The following MYBBP1A variants were observed in gnomAD, a reference collection of about 807,000 sequenced individuals.
MYBBP1A encodes myb-binding protein 1A.
In MYBBP1A, 147 loss-of-function variants were observed where a neutral mutation model predicts 136.3. The ratio of observed to expected loss-of-function variants is 1.08; its 90% CI spans 0.94 to 1.24. The LOEUF is 1.24. Ranked by LOEUF, MYBBP1A falls within the 50% of genes most tolerant of loss-of-function variation. MYBBP1A has a pLI of 0.00. For missense variants in MYBBP1A, 2,060 were observed against 1,727.4 expected (o/e 1.19, Z -3.41); for synonymous variants, 947 against 735.8 (o/e 1.29, Z -4.65).
At position 4,540,412 on chromosome 17, in the gene MYBBP1A, G is replaced by A; in HGVS notation, c.3370C>T (p.His1124Tyr). 6.2e-7 allele frequency: 1 copy of A among 1,610,832 alleles called. No homozygotes were observed. Among genetic ancestry groups the A allele is most frequent in the Non-Finnish European group, 8.5e-7 (1 of 1,179,810 alleles). The change falls in exon 25 of 26, where the codon CAC (histidine) becomes TAC (tyrosine). Residue 1124 changes from histidine (H) to tyrosine (Y), a missense_variant. By Grantham distance (83) the His-to-Tyr change is moderately conservative. Transcript: ENST00000254718. The stretch of plus-strand genomic sequence containing the variant: ...TGCAGGCGGCTGGAGCCGGTGGAGT[G>A]TGCCCCCTGCTGTAGGCTCTGCTGT... Reference protein sequence around the residue: ...GQQQSLQQGAHSTGSSRLHDL... With the variant: ...GQQQSLQQGAYSTGSSRLHDL...
intron 5 of MYBBP1A, among the ~76,000 whole-genome samples, chr17:4,553,588 AC>A (rs1907731455): frequency 6.6e-6 from 1 of 152,260 alleles, no homozygotes; most frequent in Non-Finnish European, 1.5e-5. Context: ...ACCAATGCAC[AC>A]TGAAATAATA....
At position 4,541,557 on chromosome 17, in the gene MYBBP1A, C is replaced by T. The variant is rs199584868; in HGVS notation, c.3203G>A (p.Arg1068His). 371 of 1,612,274 alleles carry T rather than the reference C, an allele frequency of 2.3e-4. No homozygotes were observed. The highest frequency in any genetic ancestry group is 8.2e-4 in the Middle Eastern group (5 of 6,062). Residue 1068 changes from arginine (R) to histidine (H), a missense_variant, in exon 24 of 26, where the codon CGC becomes CAC. Coordinates refer to ENST00000254718, the MANE Select transcript of MYBBP1A (RefSeq NM_014520.4). ...CTTGGTCTGCGCCTCCCCCAGCACG[C>T]GCAAGTTCTAGGGAAGGGTGGCCAG... ...QVLAKVTENLRVLGEAQTKAQ... is the reference protein window; with the variant it reads ...QVLAKVTENLHVLGEAQTKAQ...
At chr17:4,542,088 G>A in intron 22 of MYBBP1A, 197 bp from the exon 23 acceptor site, 1 of 597,908 alleles carries the variant, frequency 1.7e-6, no homozygotes, top group Non-Finnish European at 3.0e-6. Context: ...CAGCTGGATA[G>A]AGGTGGGACC....
chr17:4,552,615 G>A lies in MYBBP1A; in HGVS notation c.573C>T (p.Ala191=), dbSNP rs1399332493. The A allele has an allele frequency of 1.9e-6, 3 of 1,613,332 alleles. No individual in the cohort carries two copies. Among genetic ancestry groups the A allele is most frequent in the East Asian group, 2.2e-5 (1 of 44,866 alleles). The change falls in exon 6 of 26, where the codon GCC becomes GCT. Residue 191 remains alanine, a synonymous_variant. Transcript: ENST00000254718. This position sits in a 1 kb window ranked among gnomAD's most constrained non-coding sequence, Gnocchi z 4.7. ...CCTCCGGCAGGATCTCCTGCAATGTGGCCTTCGAGACCTAAGGATGGAGGG... is the reference window on the plus strand; with the variant it reads ...CCTCCGGCAGGATCTCCTGCAATGTAGCCTTCGAGACCTAAGGATGGAGGG... ...LVDILSEVSK[A]TLQEILPEVL...
In MYBBP1A at chr17:4,552,848, T is replaced by C. The variant is rs1907655922; in HGVS notation, c.562-222A>G. On this transcript the variant is annotated intron_variant, in intron 5 of 25. Coordinates refer to ENST00000254718, the MANE Select transcript of MYBBP1A (RefSeq NM_014520.4). This position sits in a 1 kb window ranked among gnomAD's most constrained non-coding sequence, Gnocchi z 4.7. ...CCTGCCCCCCACCCCTTATTTTTTT[T>C]TTTTAAGACAGAGTCTCACTTTGCC... Among the ~76,000 whole-genome samples, 1 of 151,992 alleles carries C rather than the reference T, an allele frequency of 6.6e-6. No homozygotes were observed. Among genetic ancestry groups the C allele is most frequent in the Non-Finnish European group, 1.5e-5 (1 of 67,978 alleles).
rs1352906736 is a variant in MYBBP1A at position 4,551,934 on chromosome 17, C to G, written c.969G>C (p.Leu323=). ...LPLLTKEQLH[L]VMQGDVIRHY... ...GGCGGATCACGTCTCCCTGCATCAC[C>G]AGGTGCAGCTGCTCCTTGGTCAGCA... Residue 323 remains leucine, a synonymous_variant, in exon 8 of 26, where the codon CTG becomes CTC. Coordinates refer to ENST00000254718, the MANE Select transcript of MYBBP1A (RefSeq NM_014520.4). The G allele has an allele frequency of 1.9e-6, 3 of 1,613,152 alleles. No individual in the cohort carries two copies. Among genetic ancestry groups the G allele is most frequent in the South Asian group, 1.1e-5 (1 of 91,044 alleles).
In MYBBP1A at chr17:4,552,728, G is replaced by C. The variant is rs1907639891; in HGVS notation, c.562-102C>G. ...CACGGGGCCACCTGGTGAGGTATCA[G>C]AGTCATCAGAGGCCAGTTGCTAACA... On this transcript the variant is annotated intron_variant, in intron 5 of 25. Transcript: ENST00000254718. The surrounding 1 kb of genome is among the most constrained non-coding windows in gnomAD (Gnocchi z 4.7). 9.3e-7 allele frequency: 1 copy of C among 1,075,080 alleles called. No homozygotes were observed. Among genetic ancestry groups the C allele is most frequent in the Non-Finnish European group, 1.3e-6 (1 of 756,508 alleles). 66.6% of individuals were successfully genotyped at this position (1,075,080 alleles called of 1,614,324 possible).
In MYBBP1A at chr17:4,544,363, G is replaced by A. The variant is rs559415491; in HGVS notation, c.2639+126C>T. On this transcript the variant is annotated intron_variant, in intron 19 of 25. Coordinates refer to ENST00000254718, the MANE Select transcript of MYBBP1A (RefSeq NM_014520.4). ...CTCTAGGGCTGAGCAGTGAGCCTGC[G>A]AGCTAGGGGCCCAGGCTGGAAGCTT... 213 of 1,291,934 alleles carry A rather than the reference G, an allele frequency of 1.6e-4. 2 individuals carry two copies. In the South Asian group the frequency reaches 2.6e-3, roughly 16 times the overall value. 80.0% of individuals were successfully genotyped at this position (1,291,934 alleles called of 1,614,324 possible).
chr17:4,555,034 G>A (rs1350666976), intron 1 of MYBBP1A, 78 bp from the exon 2 acceptor site: 3 of 1,588,306 alleles, frequency 1.9e-6, no homozygotes, highest in South Asian at 2.2e-5. Flanking sequence ...ATCCAGGTTC[G>A]CGACCACGTG....
rs1907641180 is a variant in MYBBP1A at position 4,552,740 on chromosome 17, G to A, written c.562-114C>T. On this transcript the variant is annotated intron_variant, in intron 5 of 25. Coordinates refer to ENST00000254718, the MANE Select transcript of MYBBP1A (RefSeq NM_014520.4). This position sits in a 1 kb window ranked among gnomAD's most constrained non-coding sequence, Gnocchi z 4.7. ...TGGTGAGGTATCAGAGTCATCAGAGGCCAGTTGCTAACAAAACTCAAATTC... is the reference window on the plus strand; with the variant it reads ...TGGTGAGGTATCAGAGTCATCAGAGACCAGTTGCTAACAAAACTCAAATTC... 3.1e-6 allele frequency: 3 copies of A among 962,004 alleles called. No individual in the cohort carries two copies. Among genetic ancestry groups the A allele is most frequent in the South Asian group, 1.8e-5 (1 of 55,582 alleles). The allele number at this position is 962,004 out of a possible 1,614,324, so 59.6% of individuals were successfully genotyped here. A position where few individuals can be genotyped will look rare whatever the true frequency, so the allele number is the denominator to read the frequency against.
At position 4,544,733 on chromosome 17, in the gene MYBBP1A, G is replaced by C. The variant is rs749248098; in HGVS notation, c.2481+18C>G. On this transcript the variant is annotated intron_variant, in intron 18 of 25. Transcript: ENST00000254718. ...GCACAGGGAGGCGGGGGTGGGTGCG[G>C]CCCGCCCCCAGGCTCACCCGGATCT... is the stretch of plus-strand genomic sequence containing the variant. The C allele has an allele frequency of 1.3e-6, 2 of 1,515,252 alleles. No individual in the cohort carries two copies. The highest frequency in any genetic ancestry group is 1.8e-6 in the Non-Finnish European group (2 of 1,132,076). 93.9% of individuals were successfully genotyped at this position (1,515,252 alleles called of 1,614,324 possible). A position where few individuals can be genotyped will look rare whatever the true frequency, so the allele number is the denominator to read the frequency against.
chr17:4,555,298 C>A lies in MYBBP1A; in HGVS notation c.27G>T (p.Pro9=), dbSNP rs779176187. The A allele has an allele frequency of 1.9e-6, 3 of 1,606,062 alleles. No homozygotes were observed. Among genetic ancestry groups the A allele is most frequent in the Non-Finnish European group, 2.5e-6 (3 of 1,177,238 alleles). Reference sequence around the variant, plus strand: ...TCTGCGTCGCTTCTCCAGGCGACATCGGCTGGGCGGGATCCCGGCTCTCCA... The same window carrying A: ...TCTGCGTCGCTTCTCCAGGCGACATAGGCTGGGCGGGATCCCGGCTCTCCA... MESRDPAQ[P]MSPGEATQSG... Residue 9 remains proline, a synonymous_variant, in exon 1 of 26, where the codon CCG becomes CCT. Transcript: ENST00000254718.
At position 4,539,948 on chromosome 17, in the gene MYBBP1A, T is replaced by C. The variant is rs908145125; in HGVS notation, c.3454A>G (p.Lys1152Glu). 20 of 1,598,254 alleles carry C rather than the reference T, an allele frequency of 1.3e-5. No homozygotes were observed. Among genetic ancestry groups the C allele is most frequent in the Non-Finnish European group, 1.6e-5 (19 of 1,179,386 alleles). The change falls in exon 26 of 26, where the codon AAG becomes GAG. Residue 1152 changes from lysine (K) to glutamate (E), a missense_variant. Coordinates refer to ENST00000254718, the MANE Select transcript of MYBBP1A (RefSeq NM_014520.4). Reference protein sequence around the residue: ...LGVQRPKLEKKDAKEIPSATQ... With the variant: ...LGVQRPKLEKEDAKEIPSATQ... The stretch of plus-strand genomic sequence containing the variant: ...GCACTGGGGATCTCCTTGGCATCCT[T>C]CTTCTCCAACTTGGGGCGCCTGAAG...
intron 8 of MYBBP1A, among the ~76,000 whole-genome samples, chr17:4,551,246 C>T (rs977549415): frequency 6.6e-6 from 1 of 152,252 alleles, no homozygotes; most frequent in Non-Finnish European, 1.5e-5. Flanking sequence ...TGAGAACAGT[C>T]AACCCAGCAG....
Position 4,553,839 on chromosome 17 carries a change from G to A in MYBBP1A, c.532C>T (p.Arg178Trp), listed in dbSNP as rs200728167. 40 of 1,613,908 alleles carry A rather than the reference G, an allele frequency of 2.5e-5. No homozygotes were observed. Among genetic ancestry groups the A allele is most frequent in the Admixed American group, 6.7e-5 (4 of 60,002 alleles). The change falls in exon 5 of 26, where the codon CGG (arginine) becomes TGG (tryptophan). Residue 178 changes from arginine to tryptophan, a missense_variant. Physicochemically the swap from Arg to Trp is moderately radical, Grantham distance 101. Coordinates refer to ENST00000254718, the MANE Select transcript of MYBBP1A (RefSeq NM_014520.4). ...GAGAGGATGTCCACCAGGGCCTTCC[G>A]GGGCTGCTCCTGCAAGTGGTTTTGG... ...QYQNHLQEQP[R>W]KALVDILSEV...
intron 13 of MYBBP1A, 45 bp downstream of exon 13, chr17:4,547,913 C>T: frequency 1.4e-6 from 2 of 1,409,934 alleles, no homozygotes; most frequent in African/African-American, 1.4e-5. Context: ...CCCATTGTGC[C>T]ATAGAACCCC....
intron 22 of MYBBP1A, 72 bp from the exon 23 acceptor site, chr17:4,541,963 G>T: frequency 1.6e-6 from 2 of 1,248,788 alleles, no homozygotes; most frequent in Non-Finnish European, 2.3e-6. Context: ...ATGCATGAGG[G>T]CTCGGGGGCC....
rs1418937591 is a variant in MYBBP1A at position 4,544,548 on chromosome 17, C to T, written c.2580G>A (p.Leu860=). 3.2e-6 allele frequency: 5 copies of T among 1,560,170 alleles called. No individual in the cohort carries two copies. In the Admixed American group the frequency reaches 7.6e-5, roughly 24 times the overall value. The change falls in exon 19 of 26, where the codon CTG becomes CTA. Residue 860 remains leucine, a synonymous_variant. Coordinates refer to ENST00000254718, the MANE Select transcript of MYBBP1A (RefSeq NM_014520.4). The part of the protein sequence containing the change: ...EPLLSIIRRS[L]RSSSSKQEQD... The stretch of plus-strand genomic sequence containing the variant: ...GCTCCTGTTTGGAGCTGCTGCTGCG[C>T]AGGCTGCGCCGGATGATGCTCAGCA...
Position 4,548,000 on chromosome 17 carries a change from G to A in MYBBP1A, c.1782C>T (p.Ala594=), listed in dbSNP as rs1907148822. The A allele has an allele frequency of 6.5e-7, 1 of 1,536,670 alleles. No homozygotes were observed. The highest frequency in any genetic ancestry group is 8.8e-7 in the Non-Finnish European group (1 of 1,139,220). ...EAHSAEARAA[A]FQHLLLLVGI... The stretch of plus-strand genomic sequence containing the variant: ...CCACGAGGAGCAGAAGGTGCTGGAA[G>A]GCAGCAGCCCTGGCCTCTGCGGAGT... Residue 594 remains alanine (A), a synonymous_variant, in exon 13 of 26, where the codon GCC becomes GCT. Transcript: ENST00000254718.
Sources: allele counts gnomAD v4.1 joint callset (sites outside exome capture counted in the v4.1 genomes callset), GRCh38; gene constraint gnomAD v4.1.1; non-coding constraint Gnocchi (gnomAD v3.1); transcripts MANE v1.5; gene names NCBI Gene and HGNC (gene_info 2026-07-23, HGNC 2026-07-21).